CDH23: variants seen among roughly 807,000 people sequenced by gnomAD.
CDH23 encodes cadherin-23.
A neutral mutation model predicts 317.1 loss-of-function variants in CDH23; 189 were observed. That is an observed-to-expected ratio of 0.60 (90% confidence interval 0.53 to 0.67). CDH23 has a LOEUF of 0.67. Among genes scored for constraint, CDH23 ranks in the 30% least tolerant of loss-of-function variants. The pLI is 0.00. For synonymous variants in CDH23, 1,839 were observed against 1,876.8 expected, an observed-to-expected ratio of 0.98 and a Z score of 0.52; for missense variants, 4,401 against 4,592.4, an observed-to-expected ratio of 0.96 and a Z score of 1.20.
intron 1 of CDH23, among the ~76,000 whole-genome samples, chr10:71,409,706 C>T (rs7078069): frequency 0.34 from 51,870 of 151,938 alleles, 9,542 homozygotes; most frequent in African/African-American, 0.48. Context: ...CCAAGACCCT[C>T]TTCCCTAGGA....
At chr10:71,569,305 C>T (rs1196130781) in intron 7 of CDH23, among the ~76,000 whole-genome samples, 1 of 152,244 alleles carries the variant, frequency 6.6e-6, no homozygotes, top group Non-Finnish European at 1.5e-5. Flanking sequence ...CTCCTAGGCA[C>T]AGCAGCTCCA....
intron 6 of CDH23, among the ~76,000 whole-genome samples, chr10:71,550,591 G>GAA (rs1462383059): frequency 9.8e-5 from 14 of 143,504 alleles, no homozygotes; most frequent in African/African-American, 2.3e-4. Flanking sequence ...AAAAGAAAAA[G>GAA]AAAGAAAGAA....
chr10:71,705,019 G>T lies in CDH23; in HGVS notation c.2842G>T (p.Val948Phe), dbSNP rs2132740122. The T allele has an allele frequency of 4.3e-6, 7 of 1,612,766 alleles. No homozygotes were observed. The highest frequency in any genetic ancestry group is 5.9e-6 in the Non-Finnish European group (7 of 1,179,832). ...CATCAACAGCAGCAGCGGCGTGGTG[G>T]TCACCACCACCGAGCTGGACCGCGA... ...FLINSSSGVV[V>F]TTTELDRERI... Residue 948 changes from valine to phenylalanine, a missense_variant, in exon 25 of 70, where the codon GTC (valine) becomes TTC (phenylalanine). Physicochemically the swap from Val to Phe is conservative, Grantham distance 50. This residue lies in a region of CDH23 where 3,068 missense variants were observed against 3,203.3 expected (regional missense o/e 0.96). Coordinates refer to ENST00000224721, the MANE Select transcript of CDH23 (RefSeq NM_022124.6).
intron 38 of CDH23, among the ~76,000 whole-genome samples, chr10:71,745,422 C>T (rs1839831192): frequency 6.6e-6 from 1 of 152,172 alleles, no homozygotes; most frequent in Non-Finnish European, 1.5e-5. Context: ...CTTCCAAGGC[C>T]AAGGGCAGGA....
chr10:71,566,695 T>TGCTCCGCACTGGCTCACCC, intron 6 of CDH23, 47 bp from the exon 7 acceptor site: 1 of 1,508,462 alleles, frequency 6.6e-7, no homozygotes, highest in Non-Finnish European at 8.9e-7. Context: ...ATGGCGCAGC[T>TGCTCCGCACTGGCTCACCC]GCTCCGCACT....
At chr10:71,766,791 C>G (rs1224606038) in intron 38 of CDH23, among the ~76,000 whole-genome samples, 1 of 152,160 alleles carries the variant, frequency 6.6e-6, no homozygotes, top group Non-Finnish European at 1.5e-5. Flanking sequence ...CTGAGATTCA[C>G]ACCTTGGACA....
chr10:71,762,709 G>C (rs772946594), intron 38 of CDH23, among the ~76,000 whole-genome samples: 1 of 152,250 alleles, frequency 6.6e-6, no homozygotes, highest in Non-Finnish European at 1.5e-5. Flanking sequence ...TTGGTGCATA[G>C]ATAGGATTTC....
intron 2 of CDH23, among the ~76,000 whole-genome samples, chr10:71,442,930 C>G (rs745420151): frequency 3.9e-5 from 6 of 152,196 alleles, no homozygotes; most frequent in Non-Finnish European, 5.9e-5. Flanking sequence ...CTTTTTGTCC[C>G]CATCCTGAGG....
At chr10:71,766,206 C>T (rs1372279406) in intron 38 of CDH23, among the ~76,000 whole-genome samples, 1 of 152,200 alleles carries the variant, frequency 6.6e-6, no homozygotes, top group Non-Finnish European at 1.5e-5. Flanking sequence ...GGGTCATTGT[C>T]GGAGACCGGG....
intron 9 of CDH23, among the ~76,000 whole-genome samples, chr10:71,581,830 C>T (rs1858659266): frequency 6.6e-6 from 1 of 152,212 alleles, no homozygotes; most frequent in Admixed American, 6.5e-5. Context: ...TCTCAACAGA[C>T]ACCCCCTCTG....
chr10:71,413,159 G>C (rs1564564848), intron 1 of CDH23, among the ~76,000 whole-genome samples: 1 of 152,068 alleles, frequency 6.6e-6, no homozygotes. Context: ...TTTGTATATG[G>C]TATAAGATTA....
At chr10:71,632,051 G>A (rs1350477823) in intron 11 of CDH23, among the ~76,000 whole-genome samples, 1 of 152,158 alleles carries the variant, frequency 6.6e-6, no homozygotes, top group Non-Finnish European at 1.5e-5. Flanking sequence ...TATCCTGGTT[G>A]GAGGGGATAG....
rs746395895 is a variant in CDH23, at chr10:71,677,500, G to A, written c.1559G>A (p.Arg520Lys). 6.2e-7 allele frequency: 1 copy of A among 1,612,038 alleles called. No homozygotes were observed. Among genetic ancestry groups the A allele is most frequent in the East Asian group, 2.2e-5 (1 of 44,858 alleles). The change falls in exon 16 of 70, where the codon AGG becomes AAG. Residue 520 changes from arginine (R) to lysine (K), a missense_variant. Around this residue, in one of 3 missense-constraint regions of CDH23, gnomAD observed 3,068 missense variants for 3,203.3 expected, o/e 0.96. Coordinates refer to ENST00000224721, the MANE Select transcript of CDH23 (RefSeq NM_022124.6). ...KDTGLIMLIARLDYELIQRFT... is the reference protein window; with the variant it reads ...KDTGLIMLIAKLDYELIQRFT... ...ACGGGACTCATCATGCTGATTGCCA[G>A]GCTGGACTATGAGCTCATCCAGCGC...
chr10:71,742,921 GC>G (rs1839775759), intron 38 of CDH23, among the ~76,000 whole-genome samples: 1 of 152,240 alleles, frequency 6.6e-6, no homozygotes, highest in Admixed American at 6.5e-5. Context: ...TATGTGGGCA[GC>G]TGCCTGTCAG....
intron 1 of CDH23, among the ~76,000 whole-genome samples, chr10:71,412,487 T>G (rs1460151295): frequency 6.6e-6 from 1 of 152,230 alleles, no homozygotes; most frequent in African/African-American, 2.4e-5. Context: ...TATTTTATTT[T>G]TCAGAGATGG....
At chr10:71,566,988 G>A (rs1176640837) in intron 7 of CDH23, 52 bp downstream of exon 7, 2 of 1,562,798 alleles carry the variant, frequency 1.3e-6, no homozygotes, top group African/African-American at 1.3e-5. Flanking sequence ...TTCCCACCCT[G>A]GAAGAGAGTG....
chr10:71,526,550 CCTT>C (rs768456537), intron 6 of CDH23, among the ~76,000 whole-genome samples: 1 of 152,236 alleles, frequency 6.6e-6, no homozygotes, highest in Non-Finnish European at 1.5e-5. Context: ...GCACTGACCT[CCTT>C]CTCCAGTTTC....
intron 3 of CDH23, among the ~76,000 whole-genome samples, chr10:71,447,436 C>T (rs192582622): frequency 2.4e-4 from 37 of 152,254 alleles, no homozygotes; most frequent in Admixed American, 2.2e-3. Flanking sequence ...CTGTGAGCAG[C>T]GCCTTTCACT....
chr10:71,531,876 A>C (rs1301695572), intron 6 of CDH23, among the ~76,000 whole-genome samples: 1 of 152,190 alleles, frequency 6.6e-6, no homozygotes, highest in East Asian at 1.9e-4. Flanking sequence ...TCAGAGCCAA[A>C]GAGGGGAACA....
Sources: allele counts gnomAD v4.1 joint callset (sites outside exome capture counted in the v4.1 genomes callset), GRCh38; gene constraint gnomAD v4.1.1; regional missense constraint gnomAD v4.1.1; transcripts MANE v1.5; gene names NCBI Gene and HGNC (gene_info 2026-07-23, HGNC 2026-07-21).